GMDS: variants seen among roughly 807,000 people sequenced by gnomAD.
The protein encoded by GMDS is GDP-mannose 4,6 dehydratase.
In GMDS, 20 loss-of-function variants were observed where a neutral mutation model predicts 49.9. The observed-to-expected ratio is 0.40, with a 90% confidence interval of 0.28 to 0.58. The LOEUF is 0.58. Among genes scored for constraint, GMDS ranks in the 20% least tolerant of loss-of-function variants. The pLI is 0.42. For missense variants in GMDS, 362 were observed against 481.4 expected (o/e 0.75, Z 2.32); for synonymous variants, 177 against 178.6 (o/e 0.99, Z 0.07).
intron 4 of GMDS, among the ~76,000 whole-genome samples, chr6:2,089,657 G>A (rs1773208261): frequency 6.6e-6 from 1 of 152,130 alleles, no homozygotes. Flanking sequence ...TTATTCTTGG[G>A]TCTTATTTGT....
At chr6:1,978,509 C>A (rs1765044087) in intron 4 of GMDS, among the ~76,000 whole-genome samples, 1 of 152,158 alleles carries the variant, frequency 6.6e-6, no homozygotes, top group Non-Finnish European at 1.5e-5. Flanking sequence ...CTTCTTTAAG[C>A]AGGACTCCGT....
chr6:2,103,185 C>T (rs1294577773), intron 4 of GMDS, among the ~76,000 whole-genome samples: 3 of 152,184 alleles, frequency 2.0e-5, no homozygotes, highest in Non-Finnish European at 4.4e-5. Context: ...ACCGCATTCC[C>T]TTCTAACCTC....
intron 1 of GMDS, among the ~76,000 whole-genome samples, chr6:2,155,541 C>A (rs1481340185): frequency 6.6e-6 from 1 of 152,142 alleles, no homozygotes; most frequent in African/African-American, 2.4e-5. Context: ...CAATATATGA[C>A]AGATCAACAT....
In GMDS at chr6:2,040,147, T is replaced by C. The variant is rs369436396; in HGVS notation, c.345+75624A>G. Among the ~76,000 whole-genome samples the C allele has an allele frequency of 2.3e-4, 35 of 152,310 alleles. 2 individuals carry two copies. The South Asian group carries it at 5.8e-3, about 25-fold the overall frequency. On this transcript the variant is annotated intron_variant, in intron 4 of 10. Transcript: ENST00000380815. ...TACTTCCTCTAAGCCCAATGGCTCC[T>C]CATTGCCCAAGTGAGAGAGCACACC...
chr6:1,693,672 T>C (rs1008042007), intron 9 of GMDS, among the ~76,000 whole-genome samples: 2 of 152,248 alleles, frequency 1.3e-5, no homozygotes, highest in Non-Finnish European at 2.9e-5. Flanking sequence ...GTCTTAATGC[T>C]AGTGTTTAGT....
chr6:2,154,080 T>C (rs1184285361), intron 1 of GMDS, among the ~76,000 whole-genome samples: 1 of 152,176 alleles, frequency 6.6e-6, no homozygotes, highest in Non-Finnish European at 1.5e-5. Context: ...TTGCTTTTTA[T>C]GTTTCTATAT....
At chr6:1,922,733 T>C (rs1229755703) in intron 7 of GMDS, among the ~76,000 whole-genome samples, 4 of 152,142 alleles carry the variant, frequency 2.6e-5, no homozygotes, top group African/African-American at 9.7e-5. Flanking sequence ...GGAAGAGAGA[T>C]GGCTTGACTC....
intron 1 of GMDS, among the ~76,000 whole-genome samples, chr6:2,175,248 T>C (rs1778219399): frequency 1.3e-5 from 2 of 152,208 alleles, no homozygotes; most frequent in African/African-American, 4.8e-5. Flanking sequence ...ACAGCACATG[T>C]TATGCAATAT....
At chr6:1,934,164 A>C (rs971447410) in intron 6 of GMDS, among the ~76,000 whole-genome samples, 1 of 152,212 alleles carries the variant, frequency 6.6e-6, no homozygotes, top group African/African-American at 2.4e-5. Context: ...TTTTCCTCAA[A>C]AATCAATTAA....
intron 9 of GMDS, among the ~76,000 whole-genome samples, chr6:1,634,568 G>T (rs1026000901): frequency 5.3e-5 from 8 of 152,184 alleles, no homozygotes; most frequent in Admixed American, 5.2e-4. Flanking sequence ...AAGTCCACTC[G>T]TTTACAGTGA....
At chr6:1,977,460 T>C (rs888884900) in intron 4 of GMDS, among the ~76,000 whole-genome samples, 2 of 152,088 alleles carry the variant, frequency 1.3e-5, no homozygotes, top group Non-Finnish European at 2.9e-5. Flanking sequence ...CAATTCAAAA[T>C]AGCCAGTGAG....
intron 4 of GMDS, among the ~76,000 whole-genome samples, chr6:2,069,853 A>G (rs1771872436): frequency 1.3e-5 from 2 of 152,262 alleles, no homozygotes; most frequent in Middle Eastern, 3.4e-3. Context: ...TGTGGAAGTC[A>G]GTGTGGCGAT....
At chr6:2,221,755 T>C (rs930605418) in intron 1 of GMDS, among the ~76,000 whole-genome samples, 7 of 152,070 alleles carry the variant, frequency 4.6e-5, no homozygotes, top group Admixed American at 4.6e-4. Context: ...TTAATGAGAA[T>C]ATCATATTCA....
At chr6:1,796,922 T>C (rs998027336) in intron 7 of GMDS, among the ~76,000 whole-genome samples, 7 of 152,324 alleles carry the variant, frequency 4.6e-5, no homozygotes, top group African/African-American at 1.7e-4. Context: ...GAATGTTTAT[T>C]CAAATGGCTC....
chr6:2,011,937 C>T (rs2325758), intron 4 of GMDS, among the ~76,000 whole-genome samples: 70,996 of 151,892 alleles, frequency 0.47, 16,900 homozygotes, highest in African/African-American at 0.55. Flanking sequence ...TAAAATAAAA[C>T]AAGAACAAAA....
intron 7 of GMDS, among the ~76,000 whole-genome samples, chr6:1,777,764 G>A (rs1768899027): frequency 1.3e-5 from 2 of 152,190 alleles, no homozygotes; most frequent in Admixed American, 1.3e-4. Flanking sequence ...GATAGCAAGA[G>A]GGTATAAAGT....
At chr6:2,142,686 A>G (rs1054160145) in intron 1 of GMDS, among the ~76,000 whole-genome samples, 13 of 152,328 alleles carry the variant, frequency 8.5e-5, no homozygotes, top group African/African-American at 3.1e-4. Flanking sequence ...AGTCTGTGGT[A>G]CTTTGTTATG....
At chr6:1,721,640 CT>C (rs1404306611) in intron 9 of GMDS, among the ~76,000 whole-genome samples, 2 of 150,956 alleles carry the variant, frequency 1.3e-5, no homozygotes, top group African/African-American at 4.9e-5. Context: ...AATCTCTTTG[CT>C]TTTTTTTTCT....
At chr6:1,861,457 G>A (rs1227608883) in intron 7 of GMDS, among the ~76,000 whole-genome samples, 2 of 152,104 alleles carry the variant, frequency 1.3e-5, no homozygotes, top group Non-Finnish European at 2.9e-5. Context: ...CCTGGGTTAG[G>A]CATCTTGGAA....
Sources: gnomAD v4.1 joint callset for allele counts (sites outside exome capture counted in the v4.1 genomes callset) on GRCh38, gnomAD v4.1.1 for gene constraint, MANE v1.5 for transcripts, NCBI Gene and HGNC (gene_info 2026-07-23, HGNC 2026-07-21) for gene names.